COMMD9: variants seen among roughly 807,000 people sequenced by gnomAD.
COMMD9 encodes COMM domain-containing protein 9.
In COMMD9, 22 loss-of-function variants were observed where a neutral mutation model predicts 23.4. The ratio of observed to expected loss-of-function variants is 0.94; its 90% CI spans 0.67 to 1.34. COMMD9 has a LOEUF of 1.34. Among genes scored for constraint, COMMD9 ranks in the 40% most tolerant of loss-of-function variants. The pLI is 0.00. For synonymous variants in COMMD9, 99 were observed against 97.4 expected (o/e 1.02, Z -0.10); for missense variants, 231 against 240.2 (o/e 0.96, Z 0.25).
In COMMD9 at chr11:36,286,266, C is replaced by T. The variant is rs183386009; in HGVS notation, c.51+3096G>A. On this transcript the variant is annotated intron_variant, in intron 1 of 5. Transcript: ENST00000263401. ...CATGTGGACACTAAAATTAAAAATACGGGCTGGGCATGGTGGCTCACATCT... is the reference window on the plus strand; with the variant it reads ...CATGTGGACACTAAAATTAAAAATATGGGCTGGGCATGGTGGCTCACATCT... Among the ~76,000 whole-genome samples the T allele has an allele frequency of 2.0e-3, 304 of 151,716 alleles. 1 individual carries two copies. Among genetic ancestry groups the T allele is most frequent in the African/African-American group, 6.8e-3 (282 of 41,358 alleles).
chr11:36,278,664 A>G, intron 2 of COMMD9, 48 bp from the exon 3 acceptor site: 1 of 1,598,262 alleles, frequency 6.3e-7, no homozygotes. Context: ...AGCAGCAGGC[A>G]GGGGGCACAA....
At chr11:36,276,469 G>C in intron 4 of COMMD9, 1 of 467,568 alleles carries the variant, frequency 2.1e-6, no homozygotes, top group Non-Finnish European at 3.8e-6. Context: ...GCGTATCCAG[G>C]CTTCTACCTG....
rs981851966 is a variant in COMMD9 at position 36,273,089 on chromosome 11, C to T, written c.*1543G>A. 6.6e-6 allele frequency: 1 copy of T among 152,164 alleles called. No homozygotes were observed. Among genetic ancestry groups the T allele is most frequent in the Non-Finnish European group, 1.5e-5 (1 of 68,034 alleles). The allele number at this position is 152,164 out of a possible 1,614,324, so 9.4% of individuals were successfully genotyped here. Reference sequence around the variant, plus strand: ...TCACAAAAGTCCTATCAAGTAGGTACTACTATTATACTCATTTAATTTAGG... The same window carrying T: ...TCACAAAAGTCCTATCAAGTAGGTATTACTATTATACTCATTTAATTTAGG... On this transcript the variant is annotated 3_prime_UTR_variant, in exon 6 of 6. Transcript: ENST00000263401.
chr11:36,282,738 A>G (rs552929961), intron 1 of COMMD9, among the ~76,000 whole-genome samples: 1 of 152,342 alleles, frequency 6.6e-6, no homozygotes, highest in Admixed American at 6.5e-5. Flanking sequence ...GACGAAACCA[A>G]CAGGGTATGT....
At position 36,289,414 on chromosome 11, in the gene COMMD9, T is replaced by C; in HGVS notation, c.-2A>G. 6.4e-7 allele frequency: 1 copy of C among 1,551,960 alleles called. No individual in the cohort carries two copies. Among genetic ancestry groups the C allele is most frequent in the Non-Finnish European group, 8.7e-7 (1 of 1,147,132 alleles). On this transcript the variant is annotated 5_prime_UTR_variant, in exon 1 of 6. Transcript: ENST00000263401. ...ATGCTCCGCTGTCAGGGCAGCCATC[T>C]TGCCGAAGTCACATGACCGTGGCAC...
chr11:36,281,853 G>C (rs1349324753), intron 1 of COMMD9, among the ~76,000 whole-genome samples: 1 of 152,170 alleles, frequency 6.6e-6, no homozygotes, highest in Non-Finnish European at 1.5e-5. Context: ...AAAATTATCT[G>C]ACAAAGAATT....
rs1856067967 is a variant in COMMD9, at chr11:36,281,602, T to C, written c.52-765A>G. ...CTTTCAGGTATCAACAGATGCCAAG[T>C]GGGGAACCTGGACTTCAACTTCCAC... On this transcript the variant is annotated intron_variant, in intron 1 of 5. Coordinates refer to ENST00000263401, the MANE Select transcript of COMMD9 (RefSeq NM_014186.4). Among the ~76,000 whole-genome samples the C allele has an allele frequency of 2.0e-5, 3 of 152,340 alleles. No individual in the cohort carries two copies. In the South Asian group the frequency reaches 6.2e-4, roughly 32 times the overall value.
At chr11:36,284,033 G>A (rs1482888062) in intron 1 of COMMD9, among the ~76,000 whole-genome samples, 1 of 152,138 alleles carries the variant, frequency 6.6e-6, no homozygotes, top group Non-Finnish European at 1.5e-5. Flanking sequence ...TTAAGCCTGG[G>A]AAGTAAAGGC....
chr11:36,273,161 C>T lies in COMMD9; in HGVS notation c.*1471G>A, dbSNP rs1318697541. 6.6e-6 allele frequency: 1 copy of T among 152,138 alleles called. No homozygotes were observed. Among genetic ancestry groups the T allele is most frequent in the Non-Finnish European group, 1.5e-5 (1 of 68,022 alleles). The allele number at this position is 152,138 out of a possible 1,614,324, so 9.4% of individuals were successfully genotyped here. A position where few individuals can be genotyped will look rare whatever the true frequency, so the allele number is the denominator to read the frequency against. ...AAATTGAGATGTAGAAGTCAAGCAC[C>T]TTACCACTGAGAAGCAGAGCTGGCT... On this transcript the variant is annotated 3_prime_UTR_variant, in exon 6 of 6. Coordinates refer to ENST00000263401, the MANE Select transcript of COMMD9 (RefSeq NM_014186.4).
intron 4 of COMMD9, chr11:36,276,608 T>C (rs1855977169): frequency 9.0e-6 from 2 of 223,214 alleles, no homozygotes; most frequent in Non-Finnish European, 1.8e-5. Context: ...TAGAGATAAA[T>C]GGACTTGACT....
intron 1 of COMMD9, among the ~76,000 whole-genome samples, chr11:36,288,327 G>A (rs1288334216): frequency 6.7e-6 from 1 of 149,728 alleles, no homozygotes; most frequent in African/African-American, 2.5e-5. Flanking sequence ...CATAAATTGA[G>A]GAGAGTAACT....
intron 4 of COMMD9, 44 bp downstream of exon 4, chr11:36,277,045 G>C: frequency 1.9e-6 from 3 of 1,556,408 alleles, no homozygotes; most frequent in Non-Finnish European, 2.6e-6. Flanking sequence ...AGCTGGGGCT[G>C]GGGAGACAAG....
chr11:36,278,756 T>C, intron 2 of COMMD9, 140 bp from the exon 3 acceptor site: 1 of 785,834 alleles, frequency 1.3e-6, no homozygotes, highest in Non-Finnish European at 1.9e-6. Context: ...TCCAGAGGCC[T>C]CTGTGGCACA....
rs1554981027 is a variant in COMMD9, at chr11:36,286,439, G to GAAAAGA, written c.51+2922_51+2923insTCTTTT. On this transcript the variant is annotated intron_variant, in intron 1 of 5. Transcript: ENST00000263401. ...GAAAGAAAGAAAGAAAGAAAGAAAA[G>GAAAAGA]AAAAAAAAAATCAGCCTGGAGGGGT... Among the ~76,000 whole-genome samples the GAAAAGA allele has an allele frequency of 4.8e-4, 60 of 125,840 alleles. 1 individual carries two copies. The highest frequency in any genetic ancestry group is 1.3e-4 in the Non-Finnish European group (8 of 62,866). The allele number at this position is 125,840 out of a possible 152,430, so 82.6% of individuals were successfully genotyped here. A position where few individuals can be genotyped will look rare whatever the true frequency, so the allele number is the denominator to read the frequency against.
intron 5 of COMMD9, among the ~76,000 whole-genome samples, chr11:36,275,186 G>A (rs997270391): frequency 6.6e-6 from 1 of 152,134 alleles, no homozygotes; most frequent in Non-Finnish European, 1.5e-5. Flanking sequence ...AAAAAATAAA[G>A]AAGTTAAGCT....
chr11:36,280,598 A>T, intron 2 of COMMD9, 114 bp downstream of exon 2: 1 of 1,053,620 alleles, frequency 9.5e-7, no homozygotes, highest in Non-Finnish European at 1.3e-6. Flanking sequence ...AAAGTTTGCT[A>T]CAGTGTCAAC....
At chr11:36,282,854 A>G (rs1175420978) in intron 1 of COMMD9, among the ~76,000 whole-genome samples, 1 of 152,218 alleles carries the variant, frequency 6.6e-6, no homozygotes, top group East Asian at 1.9e-4. Flanking sequence ...AGCTTGGCTC[A>G]GTCAAAGTCT....
chr11:36,278,597 C>T lies in COMMD9; in HGVS notation c.197G>A (p.Arg66His), dbSNP rs767617802. 6.2e-6 allele frequency: 10 copies of T among 1,613,820 alleles called. No homozygotes were observed. The highest frequency in any genetic ancestry group is 3.3e-5 in the South Asian group (3 of 91,068). ...ACGGAATGCCACCAGCCTAGTGAGG[C>T]GGTGCAGAGCCTGGAGCAGCTGCAA... Reference protein sequence around the residue: ...EAEELLQALHRLTRLVAFRDL... With the variant: ...EAEELLQALHHLTRLVAFRDL... Residue 66 changes from arginine (R) to histidine (H), a missense_variant, in exon 3 of 6, where the codon CGC (arginine) becomes CAC (histidine). By Grantham distance (29) the Arg-to-His change is conservative. Transcript: ENST00000263401.
chr11:36,286,008 T>A (rs919475217), intron 1 of COMMD9, among the ~76,000 whole-genome samples: 1 of 152,114 alleles, frequency 6.6e-6, no homozygotes. Flanking sequence ...CCACTCTGAA[T>A]CAACACAGTG....
Sources: gnomAD v4.1 joint callset for allele counts (sites outside exome capture counted in the v4.1 genomes callset) on GRCh38, gnomAD v4.1.1 for gene constraint, MANE v1.5 for transcripts, NCBI Gene and HGNC (gene_info 2026-07-23, HGNC 2026-07-21) for gene names.